MAGI2: variants seen among roughly 807,000 people sequenced by gnomAD.
MAGI2 encodes the protein membrane associated guanylate kinase, WW and PDZ domain containing 2, also known as membrane-associated guanylate kinase, WW and PDZ domain-containing protein 2.
A neutral mutation model predicts 133.3 loss-of-function variants in MAGI2; 35 were observed. The ratio of observed to expected loss-of-function variants is 0.26; its 90% confidence interval spans 0.20 to 0.35. The LOEUF (loss-of-function observed/expected upper bound fraction) is 0.35. Ranked by LOEUF, MAGI2 falls within the 10% of genes least tolerant of loss-of-function variation. MAGI2 has a pLI of 1.00. For missense variants in MAGI2, 1,636 were observed against 1,863.4 expected (o/e 0.88, Z 2.25); for synonymous variants, 729 against 710.6 (o/e 1.03, Z -0.41).
intron 9 of MAGI2, among the ~76,000 whole-genome samples, chr7:78,320,660 A>G (rs1329635702): frequency 1.3e-5 from 2 of 152,224 alleles, no homozygotes; most frequent in African/African-American, 4.8e-5. Context: ...ACACACAGTC[A>G]ATATCATACT....
chr7:78,623,960 A>G (rs1451217680), intron 3 of MAGI2, among the ~76,000 whole-genome samples: 2 of 152,060 alleles, frequency 1.3e-5, no homozygotes, highest in Non-Finnish European at 2.9e-5. Flanking sequence ...CGTTCTATCA[A>G]TTGTATAAAA....
chr7:78,812,449 T>C (rs1003429000), intron 2 of MAGI2, among the ~76,000 whole-genome samples: 2 of 152,220 alleles, frequency 1.3e-5, no homozygotes, highest in African/African-American at 2.4e-5. Flanking sequence ...ACACGTCTTC[T>C]GGCATATTTA....
At chr7:78,721,928 C>T (rs1343017371) in intron 2 of MAGI2, among the ~76,000 whole-genome samples, 5 of 151,720 alleles carry the variant, frequency 3.3e-5, no homozygotes, top group African/African-American at 1.2e-4. Context: ...AACTAGCAAA[C>T]TTGATTGTTT....
At chr7:78,788,816 A>G (rs1473644374) in intron 2 of MAGI2, among the ~76,000 whole-genome samples, 1 of 152,188 alleles carries the variant, frequency 6.6e-6, no homozygotes, top group East Asian at 1.9e-4. Context: ...ACATCTTTAT[A>G]TGATGTTACT....
At chr7:78,904,344 A>C (rs900127595) in intron 2 of MAGI2, among the ~76,000 whole-genome samples, 1 of 152,180 alleles carries the variant, frequency 6.6e-6, no homozygotes, top group Non-Finnish European at 1.5e-5. Flanking sequence ...AAAATCAATA[A>C]TACTAGTGGT....
At chr7:78,394,099 T>C (rs1381602124) in intron 6 of MAGI2, among the ~76,000 whole-genome samples, 2 of 152,116 alleles carry the variant, frequency 1.3e-5, no homozygotes, top group African/African-American at 4.8e-5. Flanking sequence ...CCAGGAGTTC[T>C]GATGTCTGAG....
chr7:79,289,412 A>C lies in MAGI2; in HGVS notation c.301+163608T>G, dbSNP rs181977087. Reference sequence around the variant, plus strand: ...TGTCTCAATGCAATGGGTGCTTAATATTTTCTAACACCTTTGAGGGCAAGG... The same window carrying C: ...TGTCTCAATGCAATGGGTGCTTAATCTTTTCTAACACCTTTGAGGGCAAGG... On this transcript the variant is annotated intron_variant, in intron 1 of 21. Coordinates refer to ENST00000354212, the MANE Select transcript of MAGI2 (RefSeq NM_012301.4). Among the ~76,000 whole-genome samples, 6 of 152,184 alleles carry C rather than the reference A, an allele frequency of 3.9e-5. No homozygotes were observed. The East Asian group carries it at 1.2e-3, about 29-fold the overall frequency.
At chr7:78,570,878 G>A (rs533338825) in intron 3 of MAGI2, among the ~76,000 whole-genome samples, 1 of 152,100 alleles carries the variant, frequency 6.6e-6, no homozygotes, top group Non-Finnish European at 1.5e-5. Context: ...TTCAATGTCT[G>A]TGATGGTTCT....
chr7:78,158,152 G>A (rs925799894), intron 16 of MAGI2: 1 of 151,916 alleles, frequency 6.6e-6, no homozygotes, highest in Non-Finnish European at 1.5e-5. Flanking sequence ...TCCCACATGT[G>A]CTAGAAACTC....
intron 1 of MAGI2, among the ~76,000 whole-genome samples, chr7:79,385,445 T>C (rs1317798257): frequency 6.6e-6 from 1 of 151,960 alleles, no homozygotes; most frequent in Non-Finnish European, 1.5e-5. Flanking sequence ...ACTTTTATTA[T>C]AAAAATAGTG....
At chr7:78,467,900 T>C (rs1252438015) in intron 6 of MAGI2, among the ~76,000 whole-genome samples, 1 of 152,174 alleles carries the variant, frequency 6.6e-6, no homozygotes, top group Admixed American at 6.5e-5. Flanking sequence ...ATATCTTTCT[T>C]TTGCTTTTTT....
intron 6 of MAGI2, among the ~76,000 whole-genome samples, chr7:78,468,415 T>G (rs1259772571): frequency 1.3e-5 from 2 of 152,080 alleles, no homozygotes; most frequent in African/African-American, 4.8e-5. Flanking sequence ...GGCATTCAAA[T>G]TATTCTATGT....
intron 6 of MAGI2, among the ~76,000 whole-genome samples, chr7:78,379,949 G>A (rs1195195152): frequency 6.6e-6 from 1 of 151,636 alleles, no homozygotes; most frequent in Admixed American, 6.6e-5. Context: ...GGTCCAAAGA[G>A]GAAATGTTAA....
intron 2 of MAGI2, among the ~76,000 whole-genome samples, chr7:78,981,112 C>G (rs1259718773): frequency 6.6e-6 from 1 of 151,374 alleles, no homozygotes; most frequent in South Asian, 2.1e-4. Context: ...TATACTAGTA[C>G]AAATGTATAT....
chr7:78,985,938 A>G (rs555750348), intron 2 of MAGI2, among the ~76,000 whole-genome samples: 2 of 152,222 alleles, frequency 1.3e-5, no homozygotes, highest in African/African-American at 2.4e-5. Context: ...ATTCCTATAG[A>G]AGATTCCAGG....
chr7:79,235,748 C>T (rs7800603), intron 1 of MAGI2, among the ~76,000 whole-genome samples: 1,589 of 152,310 alleles, frequency 0.01, 30 homozygotes, highest in African/African-American at 0.037. Context: ...AGAAATCACC[C>T]GTCTTCTGCG....
At chr7:78,209,274 T>G (rs1360220970) in intron 10 of MAGI2, among the ~76,000 whole-genome samples, 16 of 142,472 alleles carry the variant, frequency 1.1e-4, no homozygotes, top group African/African-American at 4.1e-4. Flanking sequence ...ATTCTTTTTT[T>G]TTTTTGAGAC....
chr7:78,213,289 G>A (rs940622902), intron 10 of MAGI2, among the ~76,000 whole-genome samples: 1 of 152,172 alleles, frequency 6.6e-6, no homozygotes, highest in Non-Finnish European at 1.5e-5. Context: ...TACTGAATCA[G>A]ATTTGCATCT....
rs777660041 is a variant in MAGI2 at position 78,941,742 on chromosome 7, ACAC to A, written c.418+65345_418+65347del. 1.4e-3 allele frequency among the ~76,000 whole-genome samples: 216 copies of A among 149,106 alleles called. 2 individuals are homozygous for A. The highest frequency in any genetic ancestry group is 5.1e-3 in the African/African-American group (200 of 39,418). On this transcript the variant is annotated intron_variant, in intron 2 of 21. Transcript: ENST00000354212. ...AGCCTATTTCATCACACACACACAC[ACAC>A]ACACACACACACACACACACACACA...
Sources: gnomAD v4.1 joint callset for allele counts (sites outside exome capture counted in the v4.1 genomes callset) on GRCh38, gnomAD v4.1.1 for gene constraint, MANE v1.5 for transcripts, NCBI Gene and HGNC (gene_info 2026-07-23, HGNC 2026-07-21) for gene names.